Variants in OTUB2 observed in about 807,000 individuals in gnomAD.
OTUB2 encodes OTU deubiquitinase, ubiquitin aldehyde binding 2.
A neutral mutation model predicts 25.1 loss-of-function variants in OTUB2; 21 were observed. The ratio of observed to expected loss-of-function variants is 0.84; its 90% CI spans 0.59 to 1.21. The LOEUF (loss-of-function observed/expected upper bound fraction) is 1.21. Among genes scored for constraint, OTUB2 ranks in the 50% most tolerant of loss-of-function variants. OTUB2 has a pLI of 0.00. For missense variants in OTUB2, 283 were observed against 298.0 expected, an observed-to-expected ratio of 0.95 and a Z score of 0.37; for synonymous variants, 122 against 122.8, an observed-to-expected ratio of 0.99 and a Z score of 0.04.
At chr14:94,044,534 G>A (rs1450623102) in intron 4 of OTUB2, 52 bp from the exon 5 acceptor site, 8 of 1,555,448 alleles carry the variant, frequency 5.1e-6, no homozygotes, top group Admixed American at 1.8e-5. Flanking sequence ...AGAATGCAGA[G>A]GGAGGGCTGG....
At chr14:94,031,175 G>A (rs1173790522) in intron 1 of OTUB2, among the ~76,000 whole-genome samples, 2 of 151,884 alleles carry the variant, frequency 1.3e-5, no homozygotes, top group Non-Finnish European at 2.9e-5. Context: ...GGCCAAGGTG[G>A]GAGGATTGCT....
chr14:94,026,552 TG>T lies in OTUB2; in HGVS notation c.3+17del. ...CTCTGGTCACTATGGTCAGTGATCG[TG>T]GGGGATCGCGAAGGGGGAGCGGGCA... is the stretch of plus-strand genomic sequence containing the variant. On this transcript the variant is annotated intron_variant, in intron 1 of 5. Coordinates refer to ENST00000203664, the MANE Select transcript of OTUB2 (RefSeq NM_023112.4). The T allele has an allele frequency of 9.1e-7, 1 of 1,096,332 alleles. No homozygotes were observed. The highest frequency in any genetic ancestry group is 1.1e-6 in the Non-Finnish European group (1 of 888,654). 67.9% of individuals were successfully genotyped at this position (1,096,332 alleles called of 1,614,324 possible). A position where few individuals can be genotyped will look rare whatever the true frequency, so the allele number is the denominator to read the frequency against.
chr14:94,042,813 G>A (rs898853805), intron 3 of OTUB2, among the ~76,000 whole-genome samples: 2 of 152,128 alleles, frequency 1.3e-5, no homozygotes, highest in African/African-American at 4.8e-5. Flanking sequence ...CTCTCCGTTC[G>A]CCCTCAGCAC....
At chr14:94,044,095 G>A (rs1371606683) in intron 4 of OTUB2, 40 bp downstream of exon 4, 9 of 1,574,444 alleles carry the variant, frequency 5.7e-6, no homozygotes, top group African/African-American at 5.4e-5. Flanking sequence ...TGGCAGAGCA[G>A]ACAGGAGTGG....
rs746188935 is a variant in OTUB2 at position 94,038,990 on chromosome 14, C to T, written c.127C>T (p.Arg43Cys). ...EELSKRFTAI[R>C]KTKGDGNCFY... ...ACTCAGCAAAAGGTTCACCGCCATC[C>T]GCAAGACCAAAGGGGATGGGAACTG... The change falls in exon 3 of 6, where the codon CGC (arginine) becomes TGC (cysteine). Residue 43 changes from arginine to cysteine, a missense_variant. Transcript: ENST00000203664. The T allele has an allele frequency of 1.5e-5, 24 of 1,614,094 alleles. No homozygotes were observed. Among genetic ancestry groups the T allele is most frequent in the African/African-American group, 6.7e-5 (5 of 74,936 alleles).
chr14:94,048,230 C>A lies in OTUB2; in HGVS notation c.*2308C>A, dbSNP rs981849886. On this transcript the variant is annotated 3_prime_UTR_variant, in exon 6 of 6. Transcript: ENST00000203664. ...CTTCCTGGATAATTCTCTACCCTCACCCCACAGAGCCATCTCTCTCCAGAC... is the reference window on the plus strand; with the variant it reads ...CTTCCTGGATAATTCTCTACCCTCAACCCACAGAGCCATCTCTCTCCAGAC... The A allele has an allele frequency of 2.0e-5, 3 of 152,230 alleles. No individual in the cohort carries two copies. Among genetic ancestry groups the A allele is most frequent in the African/African-American group, 7.2e-5 (3 of 41,460 alleles). 9.4% of individuals were successfully genotyped at this position (152,230 alleles called of 1,614,324 possible). A position where few individuals can be genotyped will look rare whatever the true frequency, so the allele number is the denominator to read the frequency against.
chr14:94,038,614 A>G (rs1242991285), intron 2 of OTUB2, among the ~76,000 whole-genome samples: 1 of 129,780 alleles, frequency 7.7e-6, no homozygotes, highest in African/African-American at 3.0e-5. Context: ...CCCGATTCTC[A>G]GTGCTGCTCC....
intron 1 of OTUB2, among the ~76,000 whole-genome samples, chr14:94,031,970 G>A (rs982216262): frequency 6.6e-6 from 1 of 152,202 alleles, no homozygotes; most frequent in African/African-American, 2.4e-5. Flanking sequence ...ACGAATGAGA[G>A]TCAGCCAGGT....
chr14:94,043,782 C>A (rs534669723), intron 3 of OTUB2, among the ~76,000 whole-genome samples, 189 bp from the exon 4 acceptor site: 10 of 152,302 alleles, frequency 6.6e-5, no homozygotes, highest in Admixed American at 5.2e-4. Context: ...GCCACCAGGG[C>A]CCGGCAGGGC....
intron 1 of OTUB2, among the ~76,000 whole-genome samples, chr14:94,034,516 T>C (rs903097723): frequency 1.6e-4 from 25 of 152,192 alleles, no homozygotes; most frequent in Non-Finnish European, 3.5e-4. Context: ...AATTACTTCT[T>C]AGCACAGGGC....
chr14:94,042,427 C>T (rs1297688196), intron 3 of OTUB2, among the ~76,000 whole-genome samples: 1 of 149,920 alleles, frequency 6.7e-6, no homozygotes, highest in Non-Finnish European at 1.5e-5. Context: ...TGCCCCAGTG[C>T]CTGGCACAGA....
chr14:94,047,241 T>G lies in OTUB2; in HGVS notation c.*1319T>G, dbSNP rs1567054960. On this transcript the variant is annotated 3_prime_UTR_variant, in exon 6 of 6. Transcript: ENST00000203664. The stretch of plus-strand genomic sequence containing the variant: ...CAGGTTTCATTCTGCAGGGATTTAC[T>G]GGAATCTATTGGTGCTGCTGCATGA... 1 of 152,266 alleles carries G rather than the reference T, an allele frequency of 6.6e-6. No individual in the cohort carries two copies. The highest frequency in any genetic ancestry group is 1.5e-5 in the Non-Finnish European group (1 of 68,058). 9.4% of individuals were successfully genotyped at this position (152,266 alleles called of 1,614,324 possible).
In OTUB2 at chr14:94,047,753, C is replaced by T. The variant is rs541449086; in HGVS notation, c.*1831C>T. The T allele has an allele frequency of 2.0e-5, 3 of 152,348 alleles. No individual in the cohort carries two copies. Among genetic ancestry groups the T allele is most frequent in the Admixed American group, 1.3e-4 (2 of 15,304 alleles). 9.4% of individuals were successfully genotyped at this position (152,348 alleles called of 1,614,324 possible). A position where few individuals can be genotyped will look rare whatever the true frequency, so the allele number is the denominator to read the frequency against. On this transcript the variant is annotated 3_prime_UTR_variant, in exon 6 of 6. Transcript: ENST00000203664. ...GCTAGGCTCTCAAGCACAGCAGAAG[C>T]CTCACTGGGCTGCTATGTCTCTGTA...
chr14:94,027,528 C>G (rs910909233), intron 1 of OTUB2, among the ~76,000 whole-genome samples: 4 of 152,228 alleles, frequency 2.6e-5, no homozygotes, highest in Non-Finnish European at 5.9e-5. Context: ...CCCCTCAGCA[C>G]CGTTTTGCAC....
intron 3 of OTUB2, among the ~76,000 whole-genome samples, chr14:94,042,767 G>T (rs569751202): frequency 6.6e-6 from 1 of 152,268 alleles, no homozygotes; most frequent in African/African-American, 2.4e-5. Context: ...TAGGCAGCAG[G>T]TACCACTGCA....
In OTUB2 at chr14:94,046,615, G is replaced by A. The variant is rs1449582337; in HGVS notation, c.*693G>A. 6.5e-6 allele frequency: 1 copy of A among 152,728 alleles called. No individual in the cohort carries two copies. The highest frequency in any genetic ancestry group is 1.5e-5 in the Non-Finnish European group (1 of 68,154). The allele number at this position is 152,728 out of a possible 1,614,324, so 9.5% of individuals were successfully genotyped here. ...CAGGGCTAGAACTGCCTGACTCTTG[G>A]TGGACGAGCCCTTCAGGGTTCTGCT... On this transcript the variant is annotated 3_prime_UTR_variant, in exon 6 of 6. Coordinates refer to ENST00000203664, the MANE Select transcript of OTUB2 (RefSeq NM_023112.4).
At chr14:94,027,552 G>T (rs946735508) in intron 1 of OTUB2, among the ~76,000 whole-genome samples, 3 of 152,228 alleles carry the variant, frequency 2.0e-5, no homozygotes, top group Non-Finnish European at 4.4e-5. Flanking sequence ...TGTGTCATGG[G>T]AACCATGTGA....
chr14:94,030,379 A>G (rs561502916), intron 1 of OTUB2, among the ~76,000 whole-genome samples: 3 of 151,922 alleles, frequency 2.0e-5, no homozygotes, highest in Non-Finnish European at 4.4e-5. Context: ...GAGAGCAGTC[A>G]GGGACACGCT....
Position 94,026,553 on chromosome 14 carries a change from G to T in OTUB2, c.3+13G>T. Reference sequence around the variant, plus strand: ...TCTGGTCACTATGGTCAGTGATCGTGGGGGATCGCGAAGGGGGAGCGGGCA... The same window carrying T: ...TCTGGTCACTATGGTCAGTGATCGTTGGGGATCGCGAAGGGGGAGCGGGCA... On this transcript the variant is annotated intron_variant, in intron 1 of 5. Coordinates refer to ENST00000203664, the MANE Select transcript of OTUB2 (RefSeq NM_023112.4). 8.0e-7 allele frequency: 1 copy of T among 1,244,366 alleles called. No individual in the cohort carries two copies. 77.1% of individuals were successfully genotyped at this position (1,244,366 alleles called of 1,614,324 possible).
Sources: allele counts gnomAD v4.1 joint callset (sites outside exome capture counted in the v4.1 genomes callset), GRCh38; gene constraint gnomAD v4.1.1; transcripts MANE v1.5; gene names NCBI Gene and HGNC (gene_info 2026-07-23, HGNC 2026-07-21).